SYTL3: variants seen among roughly 807,000 people sequenced by gnomAD.
SYTL3 encodes the protein synaptotagmin like 3, also known as synaptotagmin-like protein 3.
In SYTL3, 88 loss-of-function variants were observed where a neutral mutation model predicts 82.1. That is an observed-to-expected ratio of 1.07 (90% confidence interval 0.90 to 1.28). The LOEUF (loss-of-function observed/expected upper bound fraction) is 1.28, where lower values mean the gene tolerates loss of function less well. Ranked by LOEUF, SYTL3 falls within the 50% of genes most tolerant of loss-of-function variation. The pLI is 0.00. For synonymous variants in SYTL3, 311 were observed against 289.4 expected (o/e 1.07, Z -0.76); for missense variants, 831 against 757.6 (o/e 1.10, Z -1.14).
intron 11 of SYTL3, among the ~76,000 whole-genome samples, chr6:158,727,006 C>T (rs887896782): frequency 6.6e-5 from 10 of 151,850 alleles, no homozygotes; most frequent in Admixed American, 5.9e-4. Context: ...CCCGCCACCA[C>T]ACCCGGCTAA....
At position 158,718,069 on chromosome 6, in the gene SYTL3, C is replaced by T. The variant is rs1783629483; in HGVS notation, c.596-18C>T. ...AGCTGCTTGTTCCCACCCATCAACCCTTGTGTTTGCCTTTTAGAGCTCTCC... is the reference window on the plus strand; with the variant it reads ...AGCTGCTTGTTCCCACCCATCAACCTTTGTGTTTGCCTTTTAGAGCTCTCC... On this transcript the variant is annotated intron_variant, in intron 9 of 17. Coordinates refer to ENST00000611299, the MANE Select transcript of SYTL3 (RefSeq NM_001242394.2). The T allele has an allele frequency of 6.6e-7, 1 of 1,511,504 alleles. No homozygotes were observed. The highest frequency in any genetic ancestry group is 8.9e-7 in the Non-Finnish European group (1 of 1,127,750). 93.6% of individuals were successfully genotyped at this position (1,511,504 alleles called of 1,614,324 possible).
chr6:158,664,984 T>TG (rs1412606496), intron 4 of SYTL3, among the ~76,000 whole-genome samples: 11 of 152,308 alleles, frequency 7.2e-5, no homozygotes, highest in African/African-American at 2.6e-4. Context: ...GTATGCTGTG[T>TG]GTTTCTAGAT....
intron 12 of SYTL3, among the ~76,000 whole-genome samples, chr6:158,746,459 A>ATTATTATTAT (rs1554263762): frequency 1.2e-4 from 17 of 142,058 alleles, no homozygotes; most frequent in South Asian, 2.3e-4. Context: ...AATAATAATA[A>ATTATTATTAT]TATTATTATT....
At chr6:158,651,664 A>C (rs1788036164) in intron 1 of SYTL3, 89 bp from the exon 2 acceptor site, 1 of 151,934 alleles carries the variant, frequency 6.6e-6, no homozygotes, top group African/African-American at 2.4e-5. Flanking sequence ...TCAAGTTTAA[A>C]GTATGAATGC....
At chr6:158,708,249 T>G in intron 7 of SYTL3, 73 bp from the exon 8 acceptor site, 2 of 1,263,636 alleles carry the variant, frequency 1.6e-6, no homozygotes, top group Non-Finnish European at 2.3e-6. Flanking sequence ...TAATGGCACA[T>G]TTTGTGTATT....
intron 6 of SYTL3, among the ~76,000 whole-genome samples, chr6:158,702,925 C>T (rs556590890): frequency 2.8e-4 from 43 of 152,054 alleles, no homozygotes; most frequent in African/African-American, 8.7e-4. Context: ...GAGGCCGAGG[C>T]GGACGAATCA....
intron 8 of SYTL3, 152 bp downstream of exon 8, chr6:158,708,543 C>T (rs1782381452): frequency 7.0e-6 from 5 of 710,562 alleles, no homozygotes; most frequent in South Asian, 5.1e-5. Flanking sequence ...GGGTGGGGAG[C>T]GAGGGCCCTC....
intron 2 of SYTL3, among the ~76,000 whole-genome samples, chr6:158,657,512 A>G (rs1169257812): frequency 1.3e-5 from 2 of 152,078 alleles, no homozygotes; most frequent in African/African-American, 2.4e-5. Context: ...ATGAAAAAAC[A>G]AAACAAAAAA....
intron 6 of SYTL3, among the ~76,000 whole-genome samples, chr6:158,699,587 C>T (rs1780939995): frequency 6.6e-6 from 1 of 152,080 alleles, no homozygotes; most frequent in Non-Finnish European, 1.5e-5. Context: ...TGAATCCTCA[C>T]AGTGCTGTGA....
At position 158,702,882 on chromosome 6, in the gene SYTL3, C is replaced by T. The variant is rs977244200; in HGVS notation, c.395-4348C>T. On this transcript the variant is annotated intron_variant, in intron 6 of 17. Coordinates refer to ENST00000611299, the MANE Select transcript of SYTL3 (RefSeq NM_001242394.2). ...CATTTATAAAATTGGGGGCCTGGCA[C>T]AGTGGCTCACGCCTGTAATCCCAGC... Among the ~76,000 whole-genome samples, 2 of 151,968 alleles carry T rather than the reference C, an allele frequency of 1.3e-5. 1 individual carries two copies. Among genetic ancestry groups the T allele is most frequent in the Admixed American group, 1.3e-4 (2 of 15,188 alleles).
At chr6:158,668,957 G>A (rs1315034754) in intron 5 of SYTL3, among the ~76,000 whole-genome samples, 1 of 152,204 alleles carries the variant, frequency 6.6e-6, no homozygotes, top group African/African-American at 2.4e-5. Flanking sequence ...GTTGTTTTCA[G>A]TAGTGAAGGG....
At chr6:158,652,215 A>G (rs945911318) in intron 2 of SYTL3, among the ~76,000 whole-genome samples, 80 of 150,296 alleles carry the variant, frequency 5.3e-4, no homozygotes, top group African/African-American at 1.8e-3. Context: ...GGTGTGAGCC[A>G]CCGAGCCCAG....
chr6:158,666,242 G>A (rs1583161750), intron 5 of SYTL3, among the ~76,000 whole-genome samples: 1 of 152,202 alleles, frequency 6.6e-6, no homozygotes, highest in African/African-American at 2.4e-5. Flanking sequence ...GAATATTGGA[G>A]TAATCATCTG....
chr6:158,648,726 G>A (rs1041173966), upstream of SYTL3, among the ~76,000 whole-genome samples: 1 of 152,132 alleles, frequency 6.6e-6, no homozygotes, highest in Middle Eastern at 3.4e-3. Context: ...GCCAAGAAGT[G>A]TGTTACTATG....
At chr6:158,731,247 G>A (rs1423197806) in intron 11 of SYTL3, among the ~76,000 whole-genome samples, 1 of 151,748 alleles carries the variant, frequency 6.6e-6, no homozygotes, top group African/African-American at 2.4e-5. Flanking sequence ...TCACACTATT[G>A]TACTCCAGCC....
At chr6:158,682,594 C>T (rs533393326) in intron 5 of SYTL3, among the ~76,000 whole-genome samples, 23 of 151,282 alleles carry the variant, frequency 1.5e-4, no homozygotes, top group Non-Finnish European at 2.8e-4. Context: ...CTCCTGACCT[C>T]GTGATCCGCC....
chr6:158,748,772 G>C (rs1423812645), intron 12 of SYTL3, among the ~76,000 whole-genome samples: 1 of 151,620 alleles, frequency 6.6e-6, no homozygotes, highest in Non-Finnish European at 1.5e-5. Flanking sequence ...TTGAACCAGG[G>C]AGGTAGACGT....
chr6:158,659,745 G>A (rs757711320), intron 2 of SYTL3, among the ~76,000 whole-genome samples: 11 of 152,248 alleles, frequency 7.2e-5, no homozygotes, highest in Middle Eastern at 6.8e-3. Context: ...TTTTCATTTC[G>A]TTTTGTTTTG....
chr6:158,746,476 A>ATTC (rs1787679906), intron 12 of SYTL3, among the ~76,000 whole-genome samples: 1 of 148,378 alleles, frequency 6.7e-6, no homozygotes, highest in African/African-American at 2.5e-5. Context: ...TATTATTATT[A>ATTC]TTATTTTGAG....
Sources: gnomAD v4.1 joint callset for allele counts (sites outside exome capture counted in the v4.1 genomes callset) on GRCh38, gnomAD v4.1.1 for gene constraint, MANE v1.5 for transcripts, NCBI Gene and HGNC (gene_info 2026-07-23, HGNC 2026-07-21) for gene names.